The following SHISAL2B variants were observed in gnomAD, a reference collection of about 807,000 sequenced individuals.
The protein encoded by SHISAL2B is protein shisa-like-2B.
In SHISAL2B, 12 loss-of-function variants were observed where a neutral mutation model predicts 16.5. That is an observed-to-expected ratio of 0.73 (90% CI 0.47 to 1.18). The LOEUF is 1.18. Ranked by LOEUF, SHISAL2B falls within the 50% of genes most tolerant of loss-of-function variation. SHISAL2B has a pLI of 0.00. For missense variants in SHISAL2B, 183 were observed against 193.6 expected (o/e 0.95, Z 0.33); for synonymous variants, 72 against 75.0 (o/e 0.96, Z 0.21).
At chr5:64,709,182 C>G (rs1225236306) in intron 2 of SHISAL2B, among the ~76,000 whole-genome samples, 1 of 103,862 alleles carries the variant, frequency 9.6e-6, no homozygotes, top group Non-Finnish European at 1.9e-5. Flanking sequence ...TGCTATCCCT[C>G]CCCCCTCCCC....
chr5:64,708,491 G>T (rs1741903990), intron 2 of SHISAL2B, among the ~76,000 whole-genome samples: 1 of 152,038 alleles, frequency 6.6e-6, no homozygotes. Flanking sequence ...TTAATTTCCT[G>T]AATAATAAGC....
At chr5:64,701,841 A>C (rs1389870002) in intron 2 of SHISAL2B, among the ~76,000 whole-genome samples, 1 of 152,234 alleles carries the variant, frequency 6.6e-6, no homozygotes. Flanking sequence ...TAAGCAAAAC[A>C]GGATTTGGGC....
intron 2 of SHISAL2B, among the ~76,000 whole-genome samples, chr5:64,707,387 T>C (rs1275002399): frequency 6.6e-6 from 1 of 152,304 alleles, no homozygotes; most frequent in South Asian, 2.1e-4. Flanking sequence ...TGACATTCTT[T>C]ACTTACCACA....
At chr5:64,695,949 T>A (rs189074690) in intron 2 of SHISAL2B, among the ~76,000 whole-genome samples, 2 of 152,348 alleles carry the variant, frequency 1.3e-5, no homozygotes, top group Admixed American at 1.3e-4. Context: ...TTATTAAAGT[T>A]TATCCTCTTG....
chr5:64,700,958 G>A (rs904039448), intron 2 of SHISAL2B, among the ~76,000 whole-genome samples: 1 of 152,206 alleles, frequency 6.6e-6, no homozygotes, highest in Non-Finnish European at 1.5e-5. Context: ...AGGAGGTGGA[G>A]CGGAAGCAGT....
intron 2 of SHISAL2B, among the ~76,000 whole-genome samples, chr5:64,697,465 C>T (rs1489167899): frequency 6.6e-6 from 1 of 152,074 alleles, no homozygotes; most frequent in East Asian, 1.9e-4. Context: ...TATTATTTCT[C>T]AAACATCAAG....
chr5:64,693,237 G>T (rs1050700258), intron 1 of SHISAL2B, among the ~76,000 whole-genome samples: 2 of 152,064 alleles, frequency 1.3e-5, no homozygotes, highest in African/African-American at 4.8e-5. Context: ...TCAATCTCCT[G>T]ACCTCGTGAT....
chr5:64,695,588 A>C lies in SHISAL2B; in HGVS notation c.273A>C (p.Leu91Phe). 1 of 1,536,598 alleles carries C rather than the reference A, an allele frequency of 6.5e-7. No homozygotes were observed. Among genetic ancestry groups the C allele is most frequent in the Non-Finnish European group, 8.7e-7 (1 of 1,146,596 alleles). ...FVISVCVLCY[L>F]FLYTKPQRLD... ...TCAGTGTCTGTGTCCTTTGCTATTT[A>C]TTTCTGTATACGAAACCTCAAAGAT... The change falls in exon 2 of 3, where the codon TTA becomes TTC. Residue 91 changes from leucine to phenylalanine, a missense_variant. Coordinates refer to ENST00000389074, the MANE Select transcript of SHISAL2B (RefSeq NM_001164442.2).
At chr5:64,697,005 C>T (rs930454942) in intron 2 of SHISAL2B, among the ~76,000 whole-genome samples, 5 of 152,168 alleles carry the variant, frequency 3.3e-5, no homozygotes, top group Non-Finnish European at 7.4e-5. Flanking sequence ...GCTGGTTTTG[C>T]GGCTCAGGTG....
intron 2 of SHISAL2B, among the ~76,000 whole-genome samples, chr5:64,703,671 G>C (rs990148000): frequency 1.3e-5 from 2 of 152,106 alleles, no homozygotes; most frequent in African/African-American, 2.4e-5. Context: ...ATCATCAATG[G>C]TTGGAAGAAT....
chr5:64,692,452 T>C (rs570698358), intron 1 of SHISAL2B, among the ~76,000 whole-genome samples: 2 of 152,324 alleles, frequency 1.3e-5, no homozygotes, highest in East Asian at 1.9e-4. Context: ...CAACTGATGT[T>C]GTCATTTGGC....
intron 2 of SHISAL2B, among the ~76,000 whole-genome samples, chr5:64,714,849 T>C (rs996317792): frequency 5.3e-5 from 8 of 152,160 alleles, no homozygotes; most frequent in South Asian, 2.1e-4. Flanking sequence ...AAGGGAACTC[T>C]CTGACCCCTT....
chr5:64,702,004 A>C (rs995120253), intron 2 of SHISAL2B, among the ~76,000 whole-genome samples: 1 of 152,188 alleles, frequency 6.6e-6, no homozygotes, highest in African/African-American at 2.4e-5. Context: ...GTATGTGACT[A>C]ATTTTCAACT....
chr5:64,717,789 T>C (rs537039975), intron 2 of SHISAL2B, 100 bp from the exon 3 acceptor site: 3 of 1,061,730 alleles, frequency 2.8e-6, no homozygotes, highest in Admixed American at 3.3e-5. Context: ...CAGGACATCA[T>C]ATTTTCAATA....
intron 2 of SHISAL2B, among the ~76,000 whole-genome samples, chr5:64,707,767 G>T (rs926302854): frequency 6.6e-6 from 1 of 152,116 alleles, no homozygotes; most frequent in African/African-American, 2.4e-5. Flanking sequence ...CAAAACAAAA[G>T]ATCAGCAACA....
At chr5:64,708,747 C>G (rs1204803693) in intron 2 of SHISAL2B, among the ~76,000 whole-genome samples, 1 of 152,090 alleles carries the variant, frequency 6.6e-6, no homozygotes. Context: ...TCTTTGCTTG[C>G]TGATTGGGCA....
chr5:64,697,323 A>G (rs1741752315), intron 2 of SHISAL2B, among the ~76,000 whole-genome samples: 1 of 152,386 alleles, frequency 6.6e-6, no homozygotes, highest in South Asian at 2.1e-4. Flanking sequence ...ATTGAGGCAT[A>G]TAAAAGAAAT....
intron 1 of SHISAL2B, 106 bp from the exon 2 acceptor site, chr5:64,695,401 T>C (rs1162041784): frequency 5.6e-6 from 4 of 709,106 alleles, no homozygotes; most frequent in Non-Finnish European, 8.3e-6. Context: ...ACAATTTGGT[T>C]ATGAATAACT....
At chr5:64,691,713 C>T (rs932604340) in intron 1 of SHISAL2B, 1 of 152,158 alleles carries the variant, frequency 6.6e-6, no homozygotes, top group African/African-American at 2.4e-5. Flanking sequence ...TTCCCACTTC[C>T]ACTCTGAAGG....
Sources: allele counts gnomAD v4.1 joint callset (sites outside exome capture counted in the v4.1 genomes callset), GRCh38; gene constraint gnomAD v4.1.1; transcripts MANE v1.5; gene names NCBI Gene and HGNC (gene_info 2026-07-23, HGNC 2026-07-21).